TBCK: variants seen among roughly 807,000 people sequenced by gnomAD.
TBCK encodes the protein TBC domain-containing protein kinase-like protein.
TBCK carries 99 observed loss-of-function variants against 113.4 expected under a neutral mutation model. That is an observed-to-expected ratio of 0.87 (90% CI 0.74 to 1.03). The LOEUF is 1.03. Ranked by LOEUF, TBCK falls within the 50% of genes least tolerant of loss-of-function variation. TBCK has a pLI of 0.00. For synonymous variants in TBCK, 369 were observed against 370.8 expected (o/e 1.00, Z 0.05); for missense variants, 1,045 against 1,061.3 (o/e 0.98, Z 0.21).
At chr4:106,086,352 G>T (rs1455805366) in intron 25 of TBCK, among the ~76,000 whole-genome samples, 1 of 152,124 alleles carries the variant, frequency 6.6e-6, no homozygotes, top group African/African-American at 2.4e-5. Flanking sequence ...TACATTCTGG[G>T]ATGCATACAC....
At chr4:106,227,445 C>A (rs561948867) in intron 19 of TBCK, among the ~76,000 whole-genome samples, 2 of 151,812 alleles carry the variant, frequency 1.3e-5, no homozygotes, top group African/African-American at 4.8e-5. Flanking sequence ...ATTTTCCTTT[C>A]TGCTTCCTTT....
chr4:106,241,176 C>A (rs1760079769), intron 12 of TBCK, among the ~76,000 whole-genome samples: 1 of 151,198 alleles, frequency 6.6e-6, no homozygotes. Context: ...TATACAAGAG[C>A]AATAATAAAT....
At chr4:106,219,804 G>T (rs1032935175) in intron 19 of TBCK, among the ~76,000 whole-genome samples, 9 of 152,028 alleles carry the variant, frequency 5.9e-5, no homozygotes, top group Non-Finnish European at 8.8e-5. Flanking sequence ...CACCCAAAGT[G>T]CTGAGATTAC....
At chr4:106,251,108 G>A (rs185753971) in intron 6 of TBCK, 2 of 388,426 alleles carry the variant, frequency 5.1e-6, no homozygotes, top group Non-Finnish European at 1.0e-5. Context: ...AGCAATGATT[G>A]TGTGCCAAAT....
In TBCK at chr4:106,043,228, C is replaced by G. The variant is rs1733962793; in HGVS notation, c.*3342G>C. 6.6e-6 allele frequency: 1 copy of G among 152,010 alleles called. No homozygotes were observed. The highest frequency in any genetic ancestry group is 1.5e-5 in the Non-Finnish European group (1 of 68,014). 9.4% of individuals were successfully genotyped at this position (152,010 alleles called of 1,614,324 possible). On this transcript the variant is annotated 3_prime_UTR_variant, in exon 26 of 26. Transcript: ENST00000394708. ...ATTTCTGTATTTTGAAAAGAGGATG[C>G]AACTAGATTAAATTACCTTATTTTG... is the stretch of plus-strand genomic sequence containing the variant.
At chr4:106,282,135 A>G (rs1031928633) in intron 3 of TBCK, among the ~76,000 whole-genome samples, 8 of 152,052 alleles carry the variant, frequency 5.3e-5, no homozygotes, top group Non-Finnish European at 8.8e-5. Flanking sequence ...CAATCTTGGT[A>G]GGTTGCATGT....
At chr4:106,118,707 A>C (rs1411867080) in intron 23 of TBCK, among the ~76,000 whole-genome samples, 1 of 152,230 alleles carries the variant, frequency 6.6e-6, no homozygotes. Context: ...GTTTCACCTG[A>C]GTGAAAAGAG....
At chr4:106,055,563 C>G (rs1232668546) in intron 25 of TBCK, among the ~76,000 whole-genome samples, 1 of 151,400 alleles carries the variant, frequency 6.6e-6, no homozygotes, top group Non-Finnish European at 1.5e-5. Flanking sequence ...CACACACACA[C>G]ACACACACAC....
At position 106,140,143 on chromosome 4, in the gene TBCK, T is replaced by C. The variant is rs975764785; in HGVS notation, c.2236-23765A>G. On this transcript the variant is annotated intron_variant, in intron 23 of 25. Coordinates refer to ENST00000394708, the MANE Select transcript of TBCK (RefSeq NM_001163435.3). Reference sequence around the variant, plus strand: ...ATATCTTCCTGTTGGTTTACTTTAATATGCAATAAAAGGTAATCTAAGACA... The same window carrying C: ...ATATCTTCCTGTTGGTTTACTTTAACATGCAATAAAAGGTAATCTAAGACA... Among the ~76,000 whole-genome samples the C allele has an allele frequency of 4.3e-5, 6 of 140,886 alleles. 1 individual carries two copies. The highest frequency in any genetic ancestry group is 1.5e-4 in the African/African-American group (6 of 40,056). The allele number at this position is 140,886 out of a possible 152,430, so 92.4% of individuals were successfully genotyped here. A position where few individuals can be genotyped will look rare whatever the true frequency, so the allele number is the denominator to read the frequency against.
At chr4:106,121,600 C>A (rs1015491547) in intron 23 of TBCK, among the ~76,000 whole-genome samples, 2 of 151,866 alleles carry the variant, frequency 1.3e-5, no homozygotes, top group Non-Finnish European at 2.9e-5. Context: ...CACACCTATT[C>A]CAAAATTGAC....
chr4:106,251,106 T>A (rs1194309126), intron 6 of TBCK: 1 of 388,774 alleles, frequency 2.6e-6, no homozygotes, highest in Non-Finnish European at 5.2e-6. Flanking sequence ...TGAGCAATGA[T>A]TGTGTGCCAA....
At chr4:106,207,942 A>G (rs1464481963) in intron 20 of TBCK, among the ~76,000 whole-genome samples, 1 of 152,194 alleles carries the variant, frequency 6.6e-6, no homozygotes, top group East Asian at 1.9e-4. Context: ...ACCGTTTGCT[A>G]GAGGACATTC....
intron 19 of TBCK, among the ~76,000 whole-genome samples, chr4:106,215,891 AC>A (rs1191528655): frequency 2.0e-5 from 3 of 151,426 alleles, no homozygotes; most frequent in Non-Finnish European, 4.4e-5. Context: ...AGAACTCTCC[AC>A]CCCAAATCAA....
chr4:106,268,413 G>A (rs1241539935), intron 3 of TBCK, among the ~76,000 whole-genome samples: 1 of 151,882 alleles, frequency 6.6e-6, no homozygotes, highest in Non-Finnish European at 1.5e-5. Flanking sequence ...TCTGTAATGT[G>A]CATGTTCAAT....
chr4:106,085,507 G>A (rs577729814), intron 25 of TBCK, among the ~76,000 whole-genome samples: 10 of 152,086 alleles, frequency 6.6e-5, no homozygotes, highest in Admixed American at 2.6e-4. Flanking sequence ...ACTCTGACAC[G>A]ATAACAGTGG....
intron 9 of TBCK, 64 bp from the exon 10 acceptor site, chr4:106,247,351 A>G (rs1363112018): frequency 2.0e-6 from 3 of 1,494,682 alleles, no homozygotes; most frequent in Non-Finnish European, 2.8e-6. Flanking sequence ...GAATAATGGC[A>G]TACATTCAAG....
chr4:106,172,763 T>C (rs1370585006), intron 22 of TBCK, among the ~76,000 whole-genome samples: 1 of 152,128 alleles, frequency 6.6e-6, no homozygotes, highest in Non-Finnish European at 1.5e-5. Context: ...AAGGTAACAC[T>C]GACCATCTAT....
intron 12 of TBCK, among the ~76,000 whole-genome samples, chr4:106,241,252 GA>G (rs1211093166): frequency 7.0e-6 from 1 of 143,520 alleles, no homozygotes; most frequent in Non-Finnish European, 1.5e-5. Flanking sequence ...TATAAAATAA[GA>G]CAAATAAATG....
rs971687435 is a variant in TBCK, at chr4:106,290,441, G to A, written c.266+4653C>T. Among the ~76,000 whole-genome samples the A allele has an allele frequency of 7.3e-4, 111 of 152,120 alleles. 2 individuals carry two copies. The highest frequency in any genetic ancestry group is 7.3e-5 in the Non-Finnish European group (5 of 68,032). On this transcript the variant is annotated intron_variant, in intron 3 of 25. Coordinates refer to ENST00000394708, the MANE Select transcript of TBCK (RefSeq NM_001163435.3). ...TCCGCCCACCTTGGCCTCCCAAAGT[G>A]CTGGGATTACAGGCATGAGCCACCA...
Sources: allele counts gnomAD v4.1 joint callset (sites outside exome capture counted in the v4.1 genomes callset), GRCh38; gene constraint gnomAD v4.1.1; transcripts MANE v1.5; gene names NCBI Gene and HGNC (gene_info 2026-07-23, HGNC 2026-07-21).